Variants in ADGRL3 observed in about 807,000 individuals in gnomAD.
ADGRL3 encodes adhesion G protein-coupled receptor L3.
A neutral mutation model predicts 153.5 loss-of-function variants in ADGRL3; 62 were observed. That is an observed-to-expected ratio of 0.40 (90% confidence interval 0.33 to 0.50). The LOEUF is 0.50. ADGRL3 is among the 20% of genes least tolerant of loss of function. The pLI is 0.47. For synonymous variants in ADGRL3, 710 were observed against 672.5 expected (o/e 1.06, Z -0.86); for missense variants, 1,641 against 1,859.4 (o/e 0.88, Z 2.16).
intron 21 of ADGRL3, among the ~76,000 whole-genome samples, chr4:62,022,545 A>C (rs2099242818): frequency 6.6e-6 from 1 of 152,196 alleles, no homozygotes; most frequent in Admixed American, 6.6e-5. Flanking sequence ...AGAGAGAAGA[A>C]GTCAATGTCT....
At chr4:62,035,692 A>G (rs1213480329) in intron 23 of ADGRL3, among the ~76,000 whole-genome samples, 2 of 152,142 alleles carry the variant, frequency 1.3e-5, no homozygotes, top group Admixed American at 6.6e-5. Context: ...TACTTTAATG[A>G]TAATATTAGT....
At chr4:61,867,540 A>ATATAT (rs201200813) in intron 9 of ADGRL3, among the ~76,000 whole-genome samples, 7 of 132,096 alleles carry the variant, frequency 5.3e-5, no homozygotes, top group Non-Finnish European at 8.3e-5. Flanking sequence ...ATATATATAT[A>ATATAT]ATTGTAGGAG....
chr4:61,568,615 C>G (rs2098825994), intron 4 of ADGRL3, among the ~76,000 whole-genome samples: 1 of 152,084 alleles, frequency 6.6e-6, no homozygotes, highest in Non-Finnish European at 1.5e-5. Flanking sequence ...CAAAGAATTT[C>G]TTCATAGTCT....
intron 2 of ADGRL3, among the ~76,000 whole-genome samples, chr4:61,447,613 A>T (rs1459863389): frequency 6.6e-6 from 1 of 152,226 alleles, no homozygotes; most frequent in Non-Finnish European, 1.5e-5. Context: ...CATAGAAAGG[A>T]TACAGCTGCT....
intron 4 of ADGRL3, among the ~76,000 whole-genome samples, chr4:61,524,347 G>A (rs553829532): frequency 2.6e-5 from 4 of 152,032 alleles, no homozygotes; most frequent in Non-Finnish European, 5.9e-5. Flanking sequence ...TAAGTCTCCA[G>A]TACAGAAATG....
chr4:61,860,133 G>A (rs902899891), intron 9 of ADGRL3, among the ~76,000 whole-genome samples: 1 of 152,132 alleles, frequency 6.6e-6, no homozygotes, highest in Non-Finnish European at 1.5e-5. Flanking sequence ...GATTCAGTAG[G>A]TTTTGGTTGG....
intron 2 of ADGRL3, among the ~76,000 whole-genome samples, chr4:61,421,769 C>T (rs1482752616): frequency 6.6e-6 from 1 of 152,060 alleles, no homozygotes; most frequent in African/African-American, 2.4e-5. Context: ...ATTGTAATGA[C>T]AGATAGTTCT....
chr4:61,784,334 G>C (rs2097252405), intron 8 of ADGRL3, among the ~76,000 whole-genome samples: 1 of 152,016 alleles, frequency 6.6e-6, no homozygotes, highest in Non-Finnish European at 1.5e-5. Context: ...TTATTTCCTT[G>C]TGTATTATAC....
At chr4:61,844,105 G>A (rs1212205369) in intron 9 of ADGRL3, among the ~76,000 whole-genome samples, 3 of 149,774 alleles carry the variant, frequency 2.0e-5, no homozygotes, top group Admixed American at 6.7e-5. Flanking sequence ...TAAAAATTTT[G>A]GAAATCGTAT....
At chr4:61,844,406 G>T (rs2098081856) in intron 9 of ADGRL3, among the ~76,000 whole-genome samples, 1 of 150,238 alleles carries the variant, frequency 6.7e-6, no homozygotes, top group Admixed American at 6.7e-5. Context: ...ACTTAGCTAG[G>T]CATGGTGGTG....
intron 5 of ADGRL3, among the ~76,000 whole-genome samples, chr4:61,619,011 C>T (rs1174488637): frequency 6.6e-6 from 1 of 152,180 alleles, no homozygotes; most frequent in Non-Finnish European, 1.5e-5. Context: ...AGCCACCATG[C>T]CAGGTCCCAA....
intron 2 of ADGRL3, among the ~76,000 whole-genome samples, chr4:61,417,589 T>C (rs548224930): frequency 1.3e-5 from 2 of 148,308 alleles, no homozygotes; most frequent in East Asian, 4.0e-4. Flanking sequence ...AAAAAAAAAG[T>C]CTTGTTTGAG....
chr4:61,929,861 A>C (rs560183842), intron 13 of ADGRL3, among the ~76,000 whole-genome samples: 1 of 152,284 alleles, frequency 6.6e-6, no homozygotes, highest in South Asian at 2.1e-4. Context: ...ATAAAACCTG[A>C]ATGAGCTAGT....
chr4:61,841,765 G>A (rs911891349), intron 9 of ADGRL3, among the ~76,000 whole-genome samples: 4 of 152,012 alleles, frequency 2.6e-5, no homozygotes, highest in South Asian at 2.1e-4. Context: ...ATACTAAATC[G>A]TCTGTACTTG....
At chr4:61,448,164 C>T (rs1327517498) in intron 2 of ADGRL3, among the ~76,000 whole-genome samples, 2 of 152,160 alleles carry the variant, frequency 1.3e-5, no homozygotes, top group Non-Finnish European at 2.9e-5. Context: ...GTTGAGATCA[C>T]TAATAGCATG....
chr4:61,322,187 G>A (rs1487643822), intron 1 of ADGRL3, among the ~76,000 whole-genome samples: 1 of 152,116 alleles, frequency 6.6e-6, no homozygotes, highest in African/African-American at 2.4e-5. Context: ...GATCTTGTGA[G>A]ACCCGTTCAC....
intron 2 of ADGRL3, among the ~76,000 whole-genome samples, chr4:61,438,710 C>CTTT (rs11372072): frequency 5.1e-5 from 7 of 137,914 alleles, no homozygotes; most frequent in South Asian, 2.3e-4. Context: ...ATCTTTCTTT[C>CTTT]TTTTTTTTTT....
chr4:61,843,404 A>G (rs1551096), intron 9 of ADGRL3, among the ~76,000 whole-genome samples: 55,616 of 151,898 alleles, frequency 0.37, 12,856 homozygotes, highest in East Asian at 0.75. Flanking sequence ...TTGGCCAATA[A>G]CATTATAAAT....
At chr4:61,567,592 G>T (rs137878544) in intron 4 of ADGRL3, among the ~76,000 whole-genome samples, 1 of 152,262 alleles carries the variant, frequency 6.6e-6, no homozygotes, top group East Asian at 1.9e-4. Context: ...CCTCCAGAAC[G>T]ATGAGAAGTA....
Sources: gnomAD v4.1 joint callset for allele counts (sites outside exome capture counted in the v4.1 genomes callset) on GRCh38, gnomAD v4.1.1 for gene constraint, MANE v1.5 for transcripts, NCBI Gene and HGNC (gene_info 2026-07-23, HGNC 2026-07-21) for gene names.